The following MCOLN3 variants were observed in gnomAD, a reference collection of about 807,000 sequenced individuals.
MCOLN3 encodes mucolipin TRP cation channel 3.
In MCOLN3, 62 loss-of-function variants were observed where a neutral mutation model predicts 69.4. That is an observed-to-expected ratio of 0.89 (90% CI 0.73 to 1.10). The LOEUF is 1.10. Ranked by LOEUF, MCOLN3 falls within the 50% of genes least tolerant of loss-of-function variation. MCOLN3 has a pLI of 0.00. For missense variants in MCOLN3, 564 were observed against 656.4 expected (o/e 0.86, Z 1.54); for synonymous variants, 183 against 217.0 (o/e 0.84, Z 1.38).
In MCOLN3 at chr1:85,034,203, T is replaced by A; in HGVS notation, c.445A>T (p.Lys149Ter). 6.2e-7 allele frequency: 1 copy of A among 1,614,202 alleles called. No individual in the cohort carries two copies. The highest frequency in any genetic ancestry group is 8.5e-7 in the Non-Finnish European group (1 of 1,180,028). The change falls in exon 4 of 13, where the codon AAA becomes TAA. Residue 149 changes from lysine to a stop codon, truncating the protein, a stop_gained. Transcript: ENST00000370589. LOFTEE classifies it high-confidence loss of function. The part of the protein sequence containing the change: ...VSVGNHAYEN[K>*]GTKQSAMAIC... Reference sequence around the variant, plus strand: ...GCCATAGCAGATTGCTTGGTACCTTTGTTCTCATAAGCATGATTCCCAACG... The same window carrying A: ...GCCATAGCAGATTGCTTGGTACCTTAGTTCTCATAAGCATGATTCCCAACG...
rs986356026 is a variant in MCOLN3, at chr1:85,033,643, T to C, written c.550+455A>G. ...TCAATCTACCCCCAAAGATGCATGA[T>C]AGTGAAGTGGTATTGGGGCAGGAGA... On this transcript the variant is annotated intron_variant, in intron 4 of 12. Transcript: ENST00000370589. Among the ~76,000 whole-genome samples, 4 of 152,336 alleles carry C rather than the reference T, an allele frequency of 2.6e-5. No individual in the cohort carries two copies. The East Asian group carries it at 7.7e-4, about 29-fold the overall frequency.
At chr1:85,025,787 G>A in intron 9 of MCOLN3, 152 bp downstream of exon 9, 1 of 782,854 alleles carries the variant, frequency 1.3e-6, no homozygotes. Flanking sequence ...CTCCTGACTA[G>A]ATTTAAGAAA....
At chr1:85,042,413 CTCTGCACCTAACTCTCTTT>C (rs1291882426) in intron 2 of MCOLN3, among the ~76,000 whole-genome samples, 1 of 152,266 alleles carries the variant, frequency 6.6e-6, no homozygotes, top group Admixed American at 6.5e-5. Context: ...CATATCATCA[CTCTGCACCTAACTCTCTTT>C]TCTGCAGAGC....
Position 85,041,248 on chromosome 1 carries a change from G to C in MCOLN3, c.229-71C>G, listed in dbSNP as rs1653049548. 6.3e-6 allele frequency: 8 copies of C among 1,262,854 alleles called. No homozygotes were observed. In the South Asian group the frequency reaches 1.0e-4, roughly 16 times the overall value. 78.2% of individuals were successfully genotyped at this position (1,262,854 alleles called of 1,614,324 possible). A position where few individuals can be genotyped will look rare whatever the true frequency, so the allele number is the denominator to read the frequency against. On this transcript the variant is annotated intron_variant, in intron 2 of 12. Coordinates refer to ENST00000370589, the MANE Select transcript of MCOLN3 (RefSeq NM_018298.11). ...AGAAAAAGCAGAGCAGAAGGTACAG[G>C]GGCTTGAACAACAAATAGAAGAGTT...
intron 3 of MCOLN3, among the ~76,000 whole-genome samples, chr1:85,036,431 T>A (rs1652805566): frequency 6.6e-6 from 1 of 152,180 alleles, no homozygotes; most frequent in Non-Finnish European, 1.5e-5. Context: ...CCTCGTGATC[T>A]GCCCACCTCA....
chr1:85,028,860 G>A (rs748041154), intron 7 of MCOLN3, among the ~76,000 whole-genome samples: 9 of 152,134 alleles, frequency 5.9e-5, no homozygotes, highest in Admixed American at 3.3e-4. Flanking sequence ...TTGGTGGCGG[G>A]GGACTGTGAG....
At chr1:85,022,567 A>G in intron 9 of MCOLN3, 167 bp from the exon 10 acceptor site, 1 of 526,600 alleles carries the variant, frequency 1.9e-6, no homozygotes, top group Non-Finnish European at 3.4e-6. Flanking sequence ...GAGGGAAGAA[A>G]GAGACAACAG....
At chr1:85,047,404 G>A (rs1489549956) in intron 1 of MCOLN3, 1 of 152,300 alleles carries the variant, frequency 6.6e-6, no homozygotes, top group Non-Finnish European at 1.5e-5. Flanking sequence ...GCTGAAGGAG[G>A]TATTCGCAGC....
At chr1:85,028,469 C>T (rs1012108778) in intron 7 of MCOLN3, among the ~76,000 whole-genome samples, 3 of 152,140 alleles carry the variant, frequency 2.0e-5, no homozygotes, top group Non-Finnish European at 2.9e-5. Flanking sequence ...AAGTCCAGTA[C>T]GATGTACCAT....
chr1:85,027,485 AGTTT>A (rs1317317892), intron 7 of MCOLN3, among the ~76,000 whole-genome samples: 5 of 152,174 alleles, frequency 3.3e-5, no homozygotes, highest in Non-Finnish European at 2.9e-5. Context: ...AAATCTGTGC[AGTTT>A]GTTTCCAGTG....
At position 85,034,176 on chromosome 1, in the gene MCOLN3, T is replaced by G; in HGVS notation, c.472A>C (p.Ile158Leu). 4 of 1,614,226 alleles carry G rather than the reference T, an allele frequency of 2.5e-6. No individual in the cohort carries two copies. The highest frequency in any genetic ancestry group is 3.4e-6 in the Non-Finnish European group (4 of 1,180,018). Residue 158 changes from isoleucine (I) to leucine (L), a missense_variant, in exon 4 of 13, where the codon ATC (isoleucine) becomes CTC (leucine). Coordinates refer to ENST00000370589, the MANE Select transcript of MCOLN3 (RefSeq NM_018298.11). ...NKGTKQSAMA[I>L]CQHFYKRGNI... ...CCTCGCTTGTAGAAGTGCTGACAGA[T>G]TGCCATAGCAGATTGCTTGGTACCT...
intron 2 of MCOLN3, among the ~76,000 whole-genome samples, chr1:85,043,488 C>A (rs1208169374): frequency 6.6e-6 from 1 of 151,262 alleles, no homozygotes; most frequent in Admixed American, 6.6e-5. Flanking sequence ...TGAGATGGCG[C>A]CACTGTACTC....
chr1:85,038,801 G>A (rs1652921998), intron 3 of MCOLN3, among the ~76,000 whole-genome samples: 1 of 152,030 alleles, frequency 6.6e-6, no homozygotes, highest in African/African-American at 2.4e-5. Context: ...GACCAGTCTG[G>A]CTAATATGGC....
chr1:85,037,605 T>C (rs1298479376), intron 3 of MCOLN3, among the ~76,000 whole-genome samples: 1 of 152,236 alleles, frequency 6.6e-6, no homozygotes, highest in African/African-American at 2.4e-5. Context: ...ATATACGCTA[T>C]AGCCAGACTT....
chr1:85,027,452 T>A (rs2102922945), intron 7 of MCOLN3, among the ~76,000 whole-genome samples: 1 of 152,312 alleles, frequency 6.6e-6, no homozygotes, highest in Admixed American at 6.5e-5. Context: ...GTTGCAGGGC[T>A]AGTCAGTGAA....
chr1:85,027,689 T>C (rs1571098532), intron 7 of MCOLN3, among the ~76,000 whole-genome samples: 1 of 151,910 alleles, frequency 6.6e-6, no homozygotes, highest in Non-Finnish European at 1.5e-5. Flanking sequence ...AGCAGAGAGG[T>C]TGATTTATAT....
intron 7 of MCOLN3, among the ~76,000 whole-genome samples, chr1:85,028,569 T>C (rs1652341326): frequency 2.0e-5 from 3 of 152,218 alleles, no homozygotes. Context: ...CAGTATTTGG[T>C]CTACACCTGA....
intron 3 of MCOLN3, among the ~76,000 whole-genome samples, chr1:85,037,847 T>A (rs1343635900): frequency 1.3e-5 from 2 of 152,160 alleles, no homozygotes; most frequent in African/African-American, 4.8e-5. Context: ...GAGCTTTAAT[T>A]AGTCTGGGCA....
chr1:85,031,801 G>C (rs548693865), intron 6 of MCOLN3, among the ~76,000 whole-genome samples: 8 of 152,236 alleles, frequency 5.3e-5, no homozygotes, highest in African/African-American at 9.6e-5. Context: ...GGCTGGGCAC[G>C]GTGGCTCACG....
Sources: allele counts gnomAD v4.1 joint callset (sites outside exome capture counted in the v4.1 genomes callset), GRCh38; gene constraint gnomAD v4.1.1; transcripts MANE v1.5; gene names NCBI Gene and HGNC (gene_info 2026-07-23, HGNC 2026-07-21).